The following KCNK10 variants were observed in gnomAD, a reference collection of about 807,000 sequenced individuals.
KCNK10 encodes the protein potassium channel subfamily K member 10.
In KCNK10, 25 loss-of-function variants were observed where a neutral mutation model predicts 47.7. The observed-to-expected ratio is 0.52, with a 90% CI of 0.38 to 0.73. The LOEUF is 0.73. Among genes scored for constraint, KCNK10 ranks in the 30% least tolerant of loss-of-function variants. The pLI is 0.00. For missense variants in KCNK10, 563 were observed against 714.5 expected, an observed-to-expected ratio of 0.79 and a Z score of 2.42; for synonymous variants, 303 against 285.6, an observed-to-expected ratio of 1.06 and a Z score of -0.61.
rs553442590 is a variant in KCNK10, at chr14:88,261,479, G to A, written c.402+1723C>T. ...CCATGAAAGAAGAAAAGGGATGGGCGTGGTGACTCACACCTGTAATCCCAG... is the reference window on the plus strand; with the variant it reads ...CCATGAAAGAAGAAAAGGGATGGGCATGGTGACTCACACCTGTAATCCCAG... On this transcript the variant is annotated intron_variant, in intron 2 of 6. Transcript: ENST00000319231. Among the ~76,000 whole-genome samples the A allele has an allele frequency of 5.4e-4, 83 of 152,316 alleles. 1 individual carries two copies. The highest frequency in any genetic ancestry group is 1.4e-3 in the African/African-American group (60 of 41,562).
chr14:88,323,304 G>A (rs1888592188), upstream of KCNK10: 5 of 985,166 alleles, frequency 5.1e-6, no homozygotes, highest in Non-Finnish European at 3.6e-6. Flanking sequence ...GCCGCGCTGA[G>A]CGCACACGCC....
chr14:88,304,737 G>A (rs1452741775), intron 1 of KCNK10, among the ~76,000 whole-genome samples: 1 of 152,232 alleles, frequency 6.6e-6, no homozygotes, highest in Non-Finnish European at 1.5e-5. Flanking sequence ...CTAAGTGCAA[G>A]ATGCGAGGTG....
At chr14:88,214,360 C>T (rs1292779534) in intron 4 of KCNK10, among the ~76,000 whole-genome samples, 3 of 152,144 alleles carry the variant, frequency 2.0e-5, no homozygotes, top group Non-Finnish European at 4.4e-5. Context: ...TGGCTTTGAG[C>T]TGTGCATTTC....
intron 4 of KCNK10, among the ~76,000 whole-genome samples, chr14:88,222,481 A>G (rs978695656): frequency 5.9e-5 from 9 of 152,244 alleles, no homozygotes; most frequent in African/African-American, 2.2e-4. Flanking sequence ...GCATGTCATT[A>G]TAAATTTGTC....
chr14:88,198,127 C>A (rs1884983085), intron 4 of KCNK10, among the ~76,000 whole-genome samples: 1 of 152,152 alleles, frequency 6.6e-6, no homozygotes, highest in Non-Finnish European at 1.5e-5. Context: ...AATATAAAAG[C>A]ATGCCAACTG....
chr14:88,208,996 T>C (rs1378356958), intron 4 of KCNK10, among the ~76,000 whole-genome samples: 3 of 152,210 alleles, frequency 2.0e-5, no homozygotes, highest in African/African-American at 7.2e-5. Flanking sequence ...ATGTTGTTCA[T>C]GGTGAAATTC....
chr14:88,233,097 T>C (rs1886200788), intron 3 of KCNK10, among the ~76,000 whole-genome samples: 1 of 152,190 alleles, frequency 6.6e-6, no homozygotes. Flanking sequence ...ATGTTCTCAC[T>C]TGCAGGTAAT....
In KCNK10 at chr14:88,249,214, G is replaced by T. The variant is rs76065068; in HGVS notation, c.403-8394C>A. 5.2e-3 allele frequency among the ~76,000 whole-genome samples: 798 copies of T among 152,320 alleles called. 4 individuals carry two copies. Among genetic ancestry groups the T allele is most frequent in the Non-Finnish European group, 9.2e-3 (625 of 68,044 alleles). ...TACTGAGGAAAGTTAAGCTGCACCA[G>T]CAGGCTTTTCATCTCTTCTGCCCAT... On this transcript the variant is annotated intron_variant, in intron 2 of 6. Transcript: ENST00000319231.
At chr14:88,225,271 A>T (rs1005648186) in intron 4 of KCNK10, among the ~76,000 whole-genome samples, 1 of 152,232 alleles carries the variant, frequency 6.6e-6, no homozygotes, top group Non-Finnish European at 1.5e-5. Flanking sequence ...CCTTTCCAAT[A>T]GCACCCTCCA....
chr14:88,261,815 T>C (rs551562061), intron 2 of KCNK10, among the ~76,000 whole-genome samples: 2 of 152,230 alleles, frequency 1.3e-5, no homozygotes, highest in East Asian at 3.9e-4. Context: ...TGACTTCCTA[T>C]GAAACACTTA....
intron 1 of KCNK10, among the ~76,000 whole-genome samples, chr14:88,295,584 A>G (rs1595126701): frequency 6.6e-6 from 1 of 152,150 alleles, no homozygotes; most frequent in South Asian, 2.1e-4. Context: ...TGCTTGAACC[A>G]GGGAGGCAGA....
rs1274502418 is a variant in KCNK10 at position 88,186,173 on chromosome 14, G to A, written c.1012-18C>T. The A allele has an allele frequency of 6.4e-7, 1 of 1,561,400 alleles. No individual in the cohort carries two copies. The highest frequency in any genetic ancestry group is 8.7e-7 in the Non-Finnish European group (1 of 1,153,418). The stretch of plus-strand genomic sequence containing the variant: ...TCACCCACCTGGCCAAGAGACAGAA[G>A]AGCAACAATATGCTGACAAATGCCT... On this transcript the variant is annotated intron_variant, in intron 6 of 6. Transcript: ENST00000319231. The surrounding 1 kb of genome is among the most constrained non-coding windows in gnomAD (Gnocchi z 5.5).
intron 1 of KCNK10, among the ~76,000 whole-genome samples, chr14:88,278,034 G>T (rs1887564204): frequency 6.6e-6 from 1 of 152,154 alleles, no homozygotes; most frequent in Admixed American, 6.5e-5. Context: ...AGGGCCTATT[G>T]TGCTTCAGGC....
chr14:88,241,375 A>G (rs1886461760), intron 2 of KCNK10, among the ~76,000 whole-genome samples: 1 of 152,152 alleles, frequency 6.6e-6, no homozygotes, highest in Non-Finnish European at 1.5e-5. Context: ...CCTTCCCCAC[A>G]GGGTTGTTGT....
At chr14:88,270,732 T>C (rs991996210) in intron 1 of KCNK10, 1 of 780,864 alleles carries the variant, frequency 1.3e-6, no homozygotes, top group African/African-American at 1.7e-5. Context: ...CCCCATCTTC[T>C]CTCACCTGAA....
chr14:88,273,204 G>T (rs1370595550), intron 1 of KCNK10, among the ~76,000 whole-genome samples: 1 of 152,142 alleles, frequency 6.6e-6, no homozygotes, highest in Non-Finnish European at 1.5e-5. Flanking sequence ...GACAGCAAAG[G>T]GAGGGGGATG....
At chr14:88,249,494 G>A (rs1595104498) in intron 2 of KCNK10, among the ~76,000 whole-genome samples, 1 of 152,140 alleles carries the variant, frequency 6.6e-6, no homozygotes, top group African/African-American at 2.4e-5. Flanking sequence ...AGAGACTCCT[G>A]CTCTGTGACT....
intron 4 of KCNK10, among the ~76,000 whole-genome samples, chr14:88,219,909 A>T (rs569011711): frequency 1.3e-5 from 2 of 152,354 alleles, no homozygotes; most frequent in African/African-American, 4.8e-5. Flanking sequence ...TCACTGGTCC[A>T]TTATGGCAAT....
intron 1 of KCNK10, among the ~76,000 whole-genome samples, chr14:88,290,640 A>G (rs1229169583): frequency 6.6e-6 from 1 of 152,176 alleles, no homozygotes; most frequent in Non-Finnish European, 1.5e-5. Flanking sequence ...TACTTTGCCC[A>G]AAGCCTCAAA....
Sources: allele counts gnomAD v4.1 joint callset (sites outside exome capture counted in the v4.1 genomes callset), GRCh38; gene constraint gnomAD v4.1.1; non-coding constraint Gnocchi (gnomAD v3.1); transcripts MANE v1.5; gene names NCBI Gene and HGNC (gene_info 2026-07-23, HGNC 2026-07-21).